Variants in DLGAP2 observed in about 807,000 individuals in gnomAD.
The protein encoded by DLGAP2 is disks large-associated protein 2.
Under a neutral mutation model 100.3 loss-of-function variants are expected in DLGAP2, and 26 were observed. That is an observed-to-expected ratio of 0.26 (90% confidence interval 0.19 to 0.36). The LOEUF is 0.36. Among genes scored for constraint, DLGAP2 ranks in the 10% least tolerant of loss-of-function variants. DLGAP2 has a pLI of 1.00. For missense variants in DLGAP2, 1,858 were observed against 1,453.2 expected (o/e 1.28, Z -4.53); for synonymous variants, 886 against 630.1 (o/e 1.41, Z -6.08).
At chr8:989,282 C>G (rs779523134) in intron 2 of DLGAP2, among the ~76,000 whole-genome samples, 17 of 152,176 alleles carry the variant, frequency 1.1e-4, no homozygotes, top group Non-Finnish European at 2.5e-4. Context: ...TTCACTCACC[C>G]ACATCCTAAC....
intron 2 of DLGAP2, among the ~76,000 whole-genome samples, chr8:1,028,261 G>C (rs1221536398): frequency 7.5e-6 from 1 of 133,498 alleles, no homozygotes. Flanking sequence ...TCAGGCGCCC[G>C]TTATTCTCCA....
At chr8:1,537,039 G>T (rs902867532) in intron 4 of DLGAP2, among the ~76,000 whole-genome samples, 2 of 151,768 alleles carry the variant, frequency 1.3e-5, no homozygotes, top group Non-Finnish European at 2.9e-5. Flanking sequence ...AAGTAGTCAG[G>T]AAGTCTCCCA....
intron 4 of DLGAP2, among the ~76,000 whole-genome samples, chr8:1,518,191 T>C (rs889021924): frequency 6.6e-6 from 1 of 152,168 alleles, no homozygotes; most frequent in African/African-American, 2.4e-5. Context: ...AGCCTCCCAA[T>C]TGGACACGGA....
At chr8:1,403,731 G>A (rs1250859656) in intron 3 of DLGAP2, among the ~76,000 whole-genome samples, 4 of 17,836 alleles carry the variant, frequency 2.2e-4, no homozygotes. Context: ...CCACCTCCTT[G>A]TCCTCCAGAG....
intron 2 of DLGAP2, among the ~76,000 whole-genome samples, chr8:1,171,480 G>C (rs571025144): frequency 4.0e-5 from 6 of 151,686 alleles, no homozygotes; most frequent in African/African-American, 1.5e-4. Flanking sequence ...GGTGACAGTG[G>C]GGTATTAAAG....
At chr8:1,512,465 C>G (rs1192516956) in intron 4 of DLGAP2, among the ~76,000 whole-genome samples, 1 of 152,124 alleles carries the variant, frequency 6.6e-6, no homozygotes, top group Non-Finnish European at 1.5e-5. Context: ...CCGCACTGAC[C>G]TCGGTGCATT....
At chr8:1,667,511 T>C (rs1563051460) in intron 8 of DLGAP2, among the ~76,000 whole-genome samples, 1 of 152,208 alleles carries the variant, frequency 6.6e-6, no homozygotes, top group Non-Finnish European at 1.5e-5. Flanking sequence ...ATGGAGCCTG[T>C]ACTTATAGGG....
At chr8:1,617,257 T>C (rs116870314) in intron 6 of DLGAP2, among the ~76,000 whole-genome samples, 2,140 of 152,356 alleles carry the variant, frequency 0.014, 22 homozygotes, top group Non-Finnish European at 0.02. Flanking sequence ...ATGGGATTGC[T>C]GGGTCAGATG....
intron 3 of DLGAP2, among the ~76,000 whole-genome samples, chr8:1,447,887 G>C (rs1369022989): frequency 1.3e-5 from 2 of 152,186 alleles, no homozygotes; most frequent in Non-Finnish European, 2.9e-5. Context: ...GGTGTTTGTA[G>C]TATTCTCTGA....
At chr8:1,187,399 C>G (rs180896520) in intron 2 of DLGAP2, among the ~76,000 whole-genome samples, 1 of 137,116 alleles carries the variant, frequency 7.3e-6, no homozygotes, top group East Asian at 2.2e-4. Context: ...GTTTCCCTCA[C>G]GGAATGTCAC....
chr8:1,549,770 T>C, intron 5 of DLGAP2, 87 bp downstream of exon 5: 1 of 1,327,178 alleles, frequency 7.5e-7, no homozygotes, highest in Non-Finnish European at 1.0e-6. Flanking sequence ...AGATAACAAC[T>C]GCATACACAT....
intron 6 of DLGAP2, among the ~76,000 whole-genome samples, chr8:1,606,308 G>T (rs941161363): frequency 6.6e-6 from 1 of 152,156 alleles, no homozygotes; most frequent in African/African-American, 2.4e-5. Flanking sequence ...GTACAATTCA[G>T]TGGTTCTTAG....
chr8:1,588,155 T>A (rs1796182037), intron 6 of DLGAP2, among the ~76,000 whole-genome samples: 1 of 152,204 alleles, frequency 6.6e-6, no homozygotes, highest in Admixed American at 6.5e-5. Context: ...CTTCAGAATG[T>A]CTAACAGCAG....
intron 2 of DLGAP2, among the ~76,000 whole-genome samples, chr8:994,871 C>G (rs527263597): frequency 5.3e-5 from 8 of 152,280 alleles, no homozygotes; most frequent in Admixed American, 4.6e-4. Context: ...GTATTTTACA[C>G]TTGAGTGCAT....
At chr8:964,422 C>T (rs565328308) in intron 2 of DLGAP2, among the ~76,000 whole-genome samples, 2 of 152,250 alleles carry the variant, frequency 1.3e-5, no homozygotes, top group Non-Finnish European at 2.9e-5. Context: ...ACAATTCTCC[C>T]ACAGAGCAGA....
intron 3 of DLGAP2, chr8:1,378,195 T>C (rs10088907): frequency 0.098 from 14,722 of 150,904 alleles, 1,055 homozygotes; most frequent in East Asian, 0.3. Context: ...GTCCATCCTG[T>C]GCACACCTGA....
At chr8:877,963 A>G (rs1797716655) in intron 1 of DLGAP2, among the ~76,000 whole-genome samples, 1 of 152,194 alleles carries the variant, frequency 6.6e-6, no homozygotes, top group Non-Finnish European at 1.5e-5. Context: ...TTCAAATCCC[A>G]CAGGTACTTG....
intron 3 of DLGAP2, among the ~76,000 whole-genome samples, chr8:1,316,867 C>T (rs1330288244): frequency 1.5e-5 from 2 of 135,476 alleles, no homozygotes; most frequent in Admixed American, 7.3e-5. Context: ...GGTCTACACT[C>T]GAGAAACTCG....
At chr8:1,463,105 C>G (rs1379091485) in intron 3 of DLGAP2, among the ~76,000 whole-genome samples, 1 of 152,208 alleles carries the variant, frequency 6.6e-6, no homozygotes, top group Admixed American at 6.5e-5. Flanking sequence ...AAAAATTAGC[C>G]TGGCGTGGTG....
Sources: gnomAD v4.1 joint callset for allele counts (sites outside exome capture counted in the v4.1 genomes callset) on GRCh38, gnomAD v4.1.1 for gene constraint, MANE v1.5 for transcripts, NCBI Gene and HGNC (gene_info 2026-07-23, HGNC 2026-07-21) for gene names.